EIF3G: variants seen among roughly 807,000 people sequenced by gnomAD.
EIF3G encodes eukaryotic translation initiation factor 3 subunit G, also known as eukaryotic translation initiation factor 3 RNA-binding subunit.
Under a neutral mutation model 41.7 loss-of-function variants are expected in EIF3G, and 10 were observed. The ratio of observed to expected loss-of-function variants is 0.24; its 90% CI spans 0.15 to 0.41. The LOEUF (loss-of-function observed/expected upper bound fraction) is 0.41. Ranked by LOEUF, EIF3G falls within the 10% of genes least tolerant of loss-of-function variation. The probability of loss-of-function intolerance (pLI) is 1.00; values close to 1 mark genes in which losing one functional copy is unlikely to be tolerated. For synonymous variants in EIF3G, 204 were observed against 172.5 expected (o/e 1.18, Z -1.43); for missense variants, 297 against 444.0 (o/e 0.67, Z 2.98).
intron 3 of EIF3G, 21 bp downstream of exon 3, chr19:10,119,063 TCACC>T: frequency 1.9e-6 from 1 of 524,018 alleles, no homozygotes. Flanking sequence ...CAGTCCTCAC[TCACC>T]TCCCGGCAGT....
chr19:10,117,955 G>A (rs2089273507), intron 5 of EIF3G: 1 of 152,218 alleles, frequency 6.6e-6, no homozygotes, highest in African/African-American at 2.4e-5. Flanking sequence ...AGGAGGGTGG[G>A]GTGGGAGGAT....
In EIF3G at chr19:10,116,973, TCC is replaced by T; in HGVS notation, c.420_421del (p.Glu141GlyfsTer111). 6.2e-7 allele frequency: 1 copy of T among 1,611,270 alleles called. No homozygotes were observed. The highest frequency in any genetic ancestry group is 8.5e-7 in the Non-Finnish European group (1 of 1,178,130). On this transcript the variant is annotated frameshift_variant, in exon 7 of 11. Transcript: ENST00000253108. LOFTEE classifies it high-confidence loss of function. This position sits in a 1 kb window ranked among gnomAD's most constrained non-coding sequence, Gnocchi z 4.1. ...GAGTTTGTTCATAGGGTCCTCCTCC[TCC>T]TGGCAGTTCAGGTCCTGGCAGGGGC... is the stretch of plus-strand genomic sequence containing the variant.
At position 10,115,021 on chromosome 19, in the gene EIF3G, AGT is replaced by A. The variant is rs1198703349; in HGVS notation, c.*91_*92del. 6.4e-7 allele frequency: 1 copy of A among 1,568,680 alleles called. No homozygotes were observed. Among genetic ancestry groups the A allele is most frequent in the Non-Finnish European group, 8.7e-7 (1 of 1,146,968 alleles). ...AGAACAAAAAGAACCAAGTAGAGAGAGTGGAGCTGCTTTATTGCCCTTGGAGC... is the reference window on the plus strand; with the variant it reads ...AGAACAAAAAGAACCAAGTAGAGAGAGGAGCTGCTTTATTGCCCTTGGAGC... On this transcript the variant is annotated 3_prime_UTR_variant, in exon 11 of 11. Coordinates refer to ENST00000253108, the MANE Select transcript of EIF3G (RefSeq NM_003755.5).
intron 2 of EIF3G, 196 bp from the exon 3 acceptor site, chr19:10,119,367 A>C (rs1315430361): frequency 1.3e-6 from 1 of 775,306 alleles, no homozygotes; most frequent in East Asian, 2.7e-5. Context: ...CCTCGTAGGA[A>C]GGTGGGTGCC....
chr19:10,115,574 G>A lies in EIF3G; in HGVS notation c.852C>T (p.Phe284=), dbSNP rs145694767. 9 of 1,613,148 alleles carry A rather than the reference G, an allele frequency of 5.6e-6. No homozygotes were observed. In the South Asian group the frequency reaches 8.8e-5, roughly 16 times the overall value. ...KTTGQSKGFA[F]ISFHRREDAA... ...CATCCTCGCGGCGGTGGAAGCTGATGAAGGCAAAGCCCTGTGGAGGGGCGG... is the reference window on the plus strand; with the variant it reads ...CATCCTCGCGGCGGTGGAAGCTGATAAAGGCAAAGCCCTGTGGAGGGGCGG... The change falls in exon 10 of 11, where the codon TTC becomes TTT. Residue 284 remains phenylalanine, a synonymous_variant. Transcript: ENST00000253108.
intron 5 of EIF3G, 94 bp downstream of exon 5, chr19:10,118,564 CAAAAAAAAAA>C (rs61403454): frequency 3.3e-6 from 3 of 916,046 alleles, no homozygotes; most frequent in Non-Finnish European, 4.7e-6. Context: ...CACTCTGTCT[CAAAAAAAAAA>C]AAAAAAAAGA....
intron 6 of EIF3G, 37 bp downstream of exon 6, chr19:10,117,047 C>T: frequency 6.2e-7 from 1 of 1,606,850 alleles, no homozygotes; most frequent in South Asian, 1.1e-5. Flanking sequence ...CTTTGCCCCA[C>T]CCCAGGATGC....
chr19:10,115,225 G>A (rs945521815), intron 10 of EIF3G, 96 bp from the exon 11 acceptor site: 37 of 1,491,838 alleles, frequency 2.5e-5, no homozygotes, highest in Non-Finnish European at 3.1e-5. Flanking sequence ...GGCAGAGGAC[G>A]GGGTAATGTG....
At chr19:10,119,334 C>T (rs1184578529) in intron 2 of EIF3G, 163 bp from the exon 3 acceptor site, 1 of 864,714 alleles carries the variant, frequency 1.2e-6, no homozygotes, top group Non-Finnish European at 1.9e-6. Flanking sequence ...TGTGGGGACT[C>T]GGAGTGGCAA....
chr19:10,119,740 C>T lies in EIF3G; in HGVS notation c.21-40G>A, dbSNP rs778379870. 1.9e-6 allele frequency: 3 copies of T among 1,612,750 alleles called. No homozygotes were observed. In the South Asian group the frequency reaches 3.3e-5, roughly 18 times the overall value. On this transcript the variant is annotated intron_variant, in intron 1 of 10. Transcript: ENST00000253108. ...GTGTGGGGAACGAAGATTAAGTCAGCCAGGCCCGGCTCCCGCAGCCTCGGC... is the reference window on the plus strand; with the variant it reads ...GTGTGGGGAACGAAGATTAAGTCAGTCAGGCCCGGCTCCCGCAGCCTCGGC...
intron 2 of EIF3G, 171 bp downstream of exon 2, chr19:10,119,483 G>A (rs1427023646): frequency 5.7e-6 from 5 of 875,418 alleles, no homozygotes; most frequent in Non-Finnish European, 7.4e-6. Flanking sequence ...GAGGAAGAGG[G>A]ACCCGCCGGG....
chr19:10,115,885 G>A (rs2089237885), intron 8 of EIF3G, 65 bp from the exon 9 acceptor site: 2 of 1,592,466 alleles, frequency 1.3e-6, no homozygotes, highest in East Asian at 2.2e-5. Flanking sequence ...GTGCTGCCCA[G>A]CCCTCGTGTG....
rs2089235828 is a variant in EIF3G, at chr19:10,115,824, T to C, written c.704-4A>G. 8 of 1,611,698 alleles carry C rather than the reference T, an allele frequency of 5.0e-6. No homozygotes were observed. In the East Asian group the frequency reaches 1.8e-4, roughly 36 times the overall value. On this transcript the variant is annotated splice_polypyrimidine_tract_variant and splice_region_variant and intron_variant, in intron 8 of 10. Transcript: ENST00000253108. ...CGGATGGTGGCGTTGTCGTCGGCTG[T>C]GTGGGAGAGGGGAGGTGGCTGTGAG...
chr19:10,116,655 T>C lies in EIF3G; in HGVS notation c.595+145A>G. On this transcript the variant is annotated intron_variant, in intron 7 of 10. Coordinates refer to ENST00000253108, the MANE Select transcript of EIF3G (RefSeq NM_003755.5). This position sits in a 1 kb window ranked among gnomAD's most constrained non-coding sequence, Gnocchi z 4.1. ...ACGCCCGTCTCCCAACCATAGGAGG[T>C]ACAGCCAATTAGGAAGGCACAGACG... The C allele has an allele frequency of 1.3e-6, 1 of 782,178 alleles. No individual in the cohort carries two copies. 48.5% of individuals were successfully genotyped at this position (782,178 alleles called of 1,614,324 possible).
intron 10 of EIF3G, 156 bp from the exon 11 acceptor site, chr19:10,115,285 C>T (rs1250256659): frequency 1.3e-4 from 156 of 1,156,112 alleles, no homozygotes; most frequent in Non-Finnish European, 1.8e-4. Context: ...GCCTGGTCCA[C>T]GGACTGGCAG....
intron 2 of EIF3G, chr19:10,119,442 GGAGGGGAA>G: frequency 1.3e-6 from 1 of 765,956 alleles, no homozygotes; most frequent in Non-Finnish European, 2.3e-6. Flanking sequence ...CTTCCTCCCT[GGAGGGGAA>G]CAGCTGGGAG....
intron 2 of EIF3G, 197 bp downstream of exon 2, chr19:10,119,457 G>C: frequency 1.3e-6 from 1 of 767,514 alleles, no homozygotes. Flanking sequence ...GGAACAGCTG[G>C]GAGGCAGTGG....
At chr19:10,118,084 C>G (rs1023597426) in intron 5 of EIF3G, 1 of 152,126 alleles carries the variant, frequency 6.6e-6, no homozygotes, top group African/African-American at 2.4e-5. Flanking sequence ...AATTTTTATT[C>G]GATATTTACA....
chr19:10,115,872 C>T (rs754922352), intron 8 of EIF3G, 52 bp from the exon 9 acceptor site: 8 of 1,581,554 alleles, frequency 5.1e-6, no homozygotes, highest in East Asian at 2.3e-5. Context: ...GCCCAGCCCT[C>T]GTGTGCTGCC....
Sources: allele counts gnomAD v4.1 joint callset, GRCh38; gene constraint gnomAD v4.1.1; non-coding constraint Gnocchi (gnomAD v3.1); transcripts MANE v1.5; gene names NCBI Gene and HGNC (gene_info 2026-07-23, HGNC 2026-07-21).